SEH1L: variants seen among roughly 807,000 people sequenced by gnomAD.
The protein encoded by SEH1L is nucleoporin SEH1.
SEH1L carries 18 observed loss-of-function variants against 49.5 expected under a neutral mutation model. That is an observed-to-expected ratio of 0.36 (90% CI 0.25 to 0.54). SEH1L has a LOEUF of 0.54. SEH1L is among the 20% of genes least tolerant of loss of function. The pLI is 0.87. For synonymous variants in SEH1L, 169 were observed against 178.1 expected (o/e 0.95, Z 0.41); for missense variants, 404 against 528.8 (o/e 0.76, Z 2.31).
At chr18:12,985,358 C>G in intron 8 of SEH1L, 1 of 1,524,192 alleles carries the variant, frequency 6.6e-7, no homozygotes, top group East Asian at 2.5e-5. Context: ...TGACCTCTCC[C>G]AAGATACACC....
chr18:12,986,893 G>C lies in SEH1L; in HGVS notation c.1102G>C (p.Ala368Pro). The C allele has an allele frequency of 6.2e-7, 1 of 1,608,152 alleles. No individual in the cohort carries two copies. Among genetic ancestry groups the C allele is most frequent in the Non-Finnish European group, 8.5e-7 (1 of 1,176,522 alleles). The change falls in exon 9 of 9, where the codon GCT (alanine) becomes CCT (proline). Residue 368 changes from alanine to proline, a missense_variant. Physicochemically the swap from Ala to Pro is conservative, Grantham distance 27. This residue lies in a region of SEH1L where 342 missense variants were observed against 430.8 expected (regional missense o/e 0.79). Coordinates refer to ENST00000399892, the MANE Select transcript of SEH1L (RefSeq NM_001013437.2). The stretch of plus-strand genomic sequence containing the variant: ...CTTTACCCCTCTGGATTCCCCACGG[G>C]CTGGATCGAGATGGTCCAGTTATGC... ...YFFTPLDSPRAGSRWSSYAQL... is the reference protein window; with the variant it reads ...YFFTPLDSPRPGSRWSSYAQL...
At chr18:12,951,579 C>T (rs1234871233) in intron 1 of SEH1L, among the ~76,000 whole-genome samples, 1 of 152,118 alleles carries the variant, frequency 6.6e-6, no homozygotes, top group Non-Finnish European at 1.5e-5. Context: ...TTAGTAGAGA[C>T]GGGGTTTCAC....
chr18:12,985,256 C>G, intron 8 of SEH1L: 1 of 1,609,394 alleles, frequency 6.2e-7, no homozygotes, highest in Non-Finnish European at 8.5e-7. Flanking sequence ...CAGCTGAGTA[C>G]AAGCTAACTG....
intron 5 of SEH1L, chr18:12,973,306 T>TG (rs2031778757): frequency 7.3e-6 from 1 of 137,232 alleles, no homozygotes; most frequent in African/African-American, 2.9e-5. Flanking sequence ...AGAAATTACC[T>TG]ATTTTTTTTT....
intron 3 of SEH1L, among the ~76,000 whole-genome samples, chr18:12,956,291 G>GCACC (rs2030855469): frequency 6.6e-6 from 1 of 151,782 alleles, no homozygotes; most frequent in African/African-American, 2.4e-5. Context: ...TGATCTGCCT[G>GCACC]TCGGCCTCCC....
At chr18:12,958,546 A>G (rs1295708237) in intron 3 of SEH1L, among the ~76,000 whole-genome samples, 1 of 151,874 alleles carries the variant, frequency 6.6e-6, no homozygotes, top group Non-Finnish European at 1.5e-5. Flanking sequence ...TCTACCCCCT[A>G]TTCAACTGTC....
intron 3 of SEH1L, among the ~76,000 whole-genome samples, chr18:12,956,890 A>G (rs1325927757): frequency 1.3e-5 from 2 of 152,132 alleles, no homozygotes; most frequent in African/African-American, 2.4e-5. Context: ...ACATGGTGAA[A>G]CCCTGTCTCT....
At chr18:12,954,024 G>A (rs957408106) in intron 2 of SEH1L, among the ~76,000 whole-genome samples, 1 of 151,812 alleles carries the variant, frequency 6.6e-6, no homozygotes, top group African/African-American at 2.4e-5. Flanking sequence ...TAATTTTATA[G>A]CCCTGTATAA....
At chr18:12,979,657 G>A (rs1433838008) in intron 6 of SEH1L, among the ~76,000 whole-genome samples, 15 of 143,218 alleles carry the variant, frequency 1.0e-4, no homozygotes, top group South Asian at 2.3e-4. Flanking sequence ...GGGCAGAGGC[G>A]CCCCTCACCT....
rs569927762 is a variant in SEH1L at position 12,985,782 on chromosome 18, ACT to A, written c.1071-1077_1071-1076del. 5.3e-6 allele frequency: 5 copies of A among 947,838 alleles called. No individual in the cohort carries two copies. The African/African-American group carries it at 7.1e-5, about 13-fold the overall frequency. 58.7% of individuals were successfully genotyped at this position (947,838 alleles called of 1,614,324 possible). ...TGCTTTATCCATGATATTCAGTACA[ACT>A]CTGTCATTTCTTTGTAATATTTAAA... On this transcript the variant is annotated intron_variant, in intron 8 of 8. Transcript: ENST00000399892.
chr18:12,970,229 T>G (rs780470423), intron 4 of SEH1L, among the ~76,000 whole-genome samples: 3 of 152,162 alleles, frequency 2.0e-5, no homozygotes, highest in Non-Finnish European at 4.4e-5. Context: ...AAGGAAATTA[T>G]GTTAATTAGG....
intron 8 of SEH1L, chr18:12,985,230 C>T (rs1353261985): frequency 6.2e-7 from 1 of 1,607,780 alleles, no homozygotes; most frequent in Admixed American, 1.7e-5. Context: ...TGTATTATGT[C>T]CTTTAACAGA....
chr18:12,968,982 G>A (rs2031568692), intron 4 of SEH1L, among the ~76,000 whole-genome samples: 1 of 152,026 alleles, frequency 6.6e-6, no homozygotes, highest in Non-Finnish European at 1.5e-5. Context: ...AGGCTGAGGC[G>A]GGCAGATCAC....
At chr18:12,983,091 AGT>A (rs2032335364) in intron 7 of SEH1L, 1 of 153,286 alleles carries the variant, frequency 6.5e-6, no homozygotes, top group Non-Finnish European at 1.5e-5. Context: ...AGCTCCCATA[AGT>A]TAAGAGCCTT....
chr18:12,976,086 C>G (rs1260560107), intron 5 of SEH1L: 1 of 156,608 alleles, frequency 6.4e-6, no homozygotes, highest in Non-Finnish European at 1.4e-5. Context: ...CATTATCACT[C>G]AGTGGCTGAA....
chr18:12,964,280 G>T (rs1254411742), intron 4 of SEH1L, among the ~76,000 whole-genome samples: 1 of 152,074 alleles, frequency 6.6e-6, no homozygotes, highest in Non-Finnish European at 1.5e-5. Flanking sequence ...AAAAACAAAT[G>T]CTGTCAATAG....
intron 4 of SEH1L, among the ~76,000 whole-genome samples, chr18:12,965,944 C>G (rs2031430492): frequency 6.6e-6 from 1 of 152,166 alleles, no homozygotes; most frequent in Admixed American, 6.6e-5. Context: ...CTTCCATACT[C>G]ATCTCCCAGC....
chr18:12,984,360 T>C, intron 8 of SEH1L, 170 bp downstream of exon 8: 1 of 697,250 alleles, frequency 1.4e-6, no homozygotes, highest in Non-Finnish European at 2.4e-6. Flanking sequence ...GCTTACTTGG[T>C]CATAATATTT....
chr18:12,965,871 T>C (rs954905676), intron 4 of SEH1L, among the ~76,000 whole-genome samples: 10 of 152,216 alleles, frequency 6.6e-5, no homozygotes, highest in African/African-American at 2.4e-4. Context: ...TGGGGTTGTC[T>C]AGTGTATTCA....
Sources: allele counts gnomAD v4.1 joint callset (sites outside exome capture counted in the v4.1 genomes callset), GRCh38; gene constraint gnomAD v4.1.1; regional missense constraint gnomAD v4.1.1; transcripts MANE v1.5; gene names NCBI Gene and HGNC (gene_info 2026-07-23, HGNC 2026-07-21).